CACNG3: variants seen among roughly 807,000 people sequenced by gnomAD.
The protein encoded by CACNG3 is voltage-dependent calcium channel gamma-3 subunit.
A neutral mutation model predicts 28.5 loss-of-function variants in CACNG3; 3 were observed. The ratio of observed to expected loss-of-function variants is 0.11; its 90% confidence interval spans 0.05 to 0.27. CACNG3 has a LOEUF of 0.27. CACNG3 is among the 10% of genes least tolerant of loss of function. The pLI is 1.00. For synonymous variants in CACNG3, 174 were observed against 162.2 expected (o/e 1.07, Z -0.55); for missense variants, 236 against 414.4 (o/e 0.57, Z 3.74).
intron 1 of CACNG3, among the ~76,000 whole-genome samples, chr16:24,306,097 A>T (rs1364204513): frequency 6.6e-6 from 1 of 152,210 alleles, no homozygotes; most frequent in East Asian, 1.9e-4. Flanking sequence ...GATGGAAGCC[A>T]CCAGGTGAAC....
At chr16:24,335,891 A>G (rs190062633) in intron 1 of CACNG3, among the ~76,000 whole-genome samples, 3 of 151,938 alleles carry the variant, frequency 2.0e-5, no homozygotes, top group African/African-American at 7.2e-5. Flanking sequence ...CCTAGCCAAC[A>G]TGGTGAAACC....
chr16:24,316,477 A>T (rs1300733223), intron 1 of CACNG3, among the ~76,000 whole-genome samples: 2 of 152,098 alleles, frequency 1.3e-5, no homozygotes, highest in African/African-American at 4.8e-5. Context: ...CCTCAGTGAG[A>T]CAAAGCTCCT....
chr16:24,312,515 T>C (rs1899277752), intron 1 of CACNG3, among the ~76,000 whole-genome samples: 1 of 152,098 alleles, frequency 6.6e-6, no homozygotes, highest in Non-Finnish European at 1.5e-5. Context: ...TTGTGAGGAC[T>C]AAATGAAAGT....
chr16:24,317,643 AAAAGAAAAGAAAGAAAG>A (rs1899388699), intron 1 of CACNG3, among the ~76,000 whole-genome samples: 1 of 63,246 alleles, frequency 1.6e-5, no homozygotes, highest in African/African-American at 7.7e-5. Context: ...AGAAAGAAAG[AAAAGAAAAGAAAGAAAG>A]AAAGAAAGAA....
At chr16:24,317,270 G>A (rs1431619618) in intron 1 of CACNG3, among the ~76,000 whole-genome samples, 2 of 152,034 alleles carry the variant, frequency 1.3e-5, no homozygotes, top group Admixed American at 1.3e-4. Flanking sequence ...AGCCGGACTT[G>A]GTGGCTCCCA....
chr16:24,294,610 AG>A (rs1216734048), intron 1 of CACNG3, among the ~76,000 whole-genome samples: 3 of 152,224 alleles, frequency 2.0e-5, no homozygotes, highest in Non-Finnish European at 4.4e-5. Flanking sequence ...TATGTTGCTT[AG>A]GCTGGTCTCA....
chr16:24,302,962 AT>A (rs112434539), intron 1 of CACNG3, among the ~76,000 whole-genome samples: 20 of 147,128 alleles, frequency 1.4e-4, no homozygotes, highest in African/African-American at 2.5e-4. Context: ...ACCTGACCTA[AT>A]TTTTTTTTTA....
At chr16:24,316,539 G>T (rs1002493842) in intron 1 of CACNG3, among the ~76,000 whole-genome samples, 2 of 152,192 alleles carry the variant, frequency 1.3e-5, no homozygotes, top group East Asian at 3.9e-4. Flanking sequence ...CCAGCATGGC[G>T]TGGGCACCAT....
chr16:24,352,366 C>G (rs1015815134), intron 2 of CACNG3, among the ~76,000 whole-genome samples: 3 of 151,534 alleles, frequency 2.0e-5, no homozygotes, highest in East Asian at 2.0e-4. Flanking sequence ...TAAGACCAAA[C>G]GCAACTCGCA....
At chr16:24,323,642 A>G (rs1467761927) in intron 1 of CACNG3, among the ~76,000 whole-genome samples, 1 of 152,230 alleles carries the variant, frequency 6.6e-6, no homozygotes, top group Non-Finnish European at 1.5e-5. Flanking sequence ...TCAGTAAGTC[A>G]AGATCATCAT....
At chr16:24,263,683 A>AATT (rs1898563183) in intron 1 of CACNG3, among the ~76,000 whole-genome samples, 1 of 152,206 alleles carries the variant, frequency 6.6e-6, no homozygotes, top group South Asian at 2.1e-4. Context: ...TCTGAGTGCT[A>AATT]ATTTACTTAC....
rs75508730 is a variant in CACNG3, at chr16:24,288,101, G to A, written c.211+31136G>A. ...ATTAACTCAACTCTTTGAAATAGGC[G>A]TAATTATTCCCATTGTATAGAAGAC... On this transcript the variant is annotated intron_variant, in intron 1 of 3. Coordinates refer to ENST00000005284, the MANE Select transcript of CACNG3 (RefSeq NM_006539.4). Among the ~76,000 whole-genome samples the A allele has an allele frequency of 3.1e-3, 478 of 152,304 alleles. 3 individuals carry two copies. The highest frequency in any genetic ancestry group is 4.6e-3 in the Non-Finnish European group (315 of 68,032).
chr16:24,329,348 G>A (rs1899602830), intron 1 of CACNG3, among the ~76,000 whole-genome samples: 1 of 152,254 alleles, frequency 6.6e-6, no homozygotes, highest in Non-Finnish European at 1.5e-5. Flanking sequence ...GCTGGGCAGA[G>A]CTGACCAGCG....
intron 2 of CACNG3, among the ~76,000 whole-genome samples, chr16:24,352,666 A>C (rs908449194): frequency 6.6e-6 from 1 of 152,080 alleles, no homozygotes; most frequent in Non-Finnish European, 1.5e-5. Flanking sequence ...AGCACCCCCA[A>C]GCAGCTGAGA....
chr16:24,319,611 T>TTTAA (rs1555460695), intron 1 of CACNG3, among the ~76,000 whole-genome samples: 2 of 150,612 alleles, frequency 1.3e-5, no homozygotes, highest in Non-Finnish European at 3.0e-5. Flanking sequence ...TTTATTTATT[T>TTTAA]ATTTAATTTA....
intron 1 of CACNG3, among the ~76,000 whole-genome samples, chr16:24,312,955 G>GAAAGAAAGAAAGAGAA (rs376780380): frequency 0.082 from 9,032 of 110,462 alleles, 401 homozygotes; most frequent in Non-Finnish European, 0.095. Context: ...AAGAAAGAAA[G>GAAAGAAAGAAAGAGAA]AGAAAGAAAG....
At chr16:24,317,570 GAA>G (rs1182044338) in intron 1 of CACNG3, among the ~76,000 whole-genome samples, 1 of 46,632 alleles carries the variant, frequency 2.1e-5, no homozygotes, top group Non-Finnish European at 3.8e-5. Flanking sequence ...AAGAAAGAAA[GAA>G]AGAAAGAAAG....
At chr16:24,306,632 C>G (rs1899188972) in intron 1 of CACNG3, among the ~76,000 whole-genome samples, 1 of 152,182 alleles carries the variant, frequency 6.6e-6, no homozygotes. Flanking sequence ...CGCCAAATTC[C>G]TGCCCACCCC....
chr16:24,320,727 C>G (rs1031163461), intron 1 of CACNG3, among the ~76,000 whole-genome samples: 1 of 151,898 alleles, frequency 6.6e-6, no homozygotes, highest in Non-Finnish European at 1.5e-5. Flanking sequence ...ATACGTTTTT[C>G]TTATTTTATT....
Sources: allele counts gnomAD v4.1 joint callset (sites outside exome capture counted in the v4.1 genomes callset), GRCh38; gene constraint gnomAD v4.1.1; transcripts MANE v1.5; gene names NCBI Gene and HGNC (gene_info 2026-07-23, HGNC 2026-07-21).